Variants in EML6 observed in about 807,000 individuals in gnomAD.
The protein encoded by EML6 is EMAP like 6, also known as echinoderm microtubule-associated protein-like 6.
EML6 carries 154 observed loss-of-function variants against 240.1 expected under a neutral mutation model. The observed-to-expected ratio is 0.64, with a 90% CI of 0.56 to 0.73. EML6 has a LOEUF of 0.73. Ranked by LOEUF, EML6 falls within the 30% of genes least tolerant of loss-of-function variation. The pLI, the probability that EML6 is intolerant of heterozygous loss-of-function variation, is 0.00. For synonymous variants in EML6, 1,148 were observed against 899.0 expected (o/e 1.28, Z -4.95); for missense variants, 2,964 against 2,474.6 (o/e 1.20, Z -4.20).
In EML6 at chr2:54,847,601, T is replaced by A; in HGVS notation, c.1165T>A (p.Ser389Thr). 6.4e-7 allele frequency: 1 copy of A among 1,552,366 alleles called. No individual in the cohort carries two copies. The highest frequency in any genetic ancestry group is 8.7e-7 in the Non-Finnish European group (1 of 1,147,140). Reference protein sequence around the residue: ...SQLALGMKDGSFIVLRVRDMT... With the variant: ...SQLALGMKDGTFIVLRVRDMT... The stretch of plus-strand genomic sequence containing the variant: ...GCTGGCCCTGGGCATGAAGGACGGC[T>A]CTTTCATTGTTCTCCGAGTCAGGCA... Residue 389 changes from serine (S) to threonine (T), a missense_variant, in exon 9 of 42, where the codon TCT becomes ACT. Coordinates refer to ENST00000356458, the MANE Select transcript of EML6 (RefSeq NM_001039753.4).
chr2:54,807,372 C>T (rs1040065662), intron 2 of EML6, among the ~76,000 whole-genome samples: 8 of 152,154 alleles, frequency 5.3e-5, no homozygotes, highest in Non-Finnish European at 1.0e-4. Flanking sequence ...ATATTGAGGA[C>T]GTTTTCTCAA....
intron 24 of EML6, among the ~76,000 whole-genome samples, chr2:54,905,791 C>T (rs1673298866): frequency 6.6e-6 from 1 of 152,188 alleles, no homozygotes; most frequent in South Asian, 2.1e-4. Context: ...CAGTATTTGT[C>T]TTTCTATAAT....
intron 16 of EML6, among the ~76,000 whole-genome samples, chr2:54,877,870 C>A (rs1456033154): frequency 6.6e-6 from 1 of 152,170 alleles, no homozygotes; most frequent in Non-Finnish European, 1.5e-5. Context: ...TTAAACCAGA[C>A]TTTTTCTTTC....
chr2:54,930,159 T>A (rs1056383450), intron 28 of EML6, among the ~76,000 whole-genome samples: 2 of 152,204 alleles, frequency 1.3e-5, no homozygotes, highest in Non-Finnish European at 2.9e-5. Flanking sequence ...TGAGTTGACA[T>A]GGCCATTATC....
At chr2:54,729,213 G>A (rs1683046887) in intron 2 of EML6, among the ~76,000 whole-genome samples, 1 of 152,204 alleles carries the variant, frequency 6.6e-6, no homozygotes, top group South Asian at 2.1e-4. Flanking sequence ...GGTCCTGTTT[G>A]CATCTGCATC....
intron 28 of EML6, among the ~76,000 whole-genome samples, chr2:54,933,462 C>T (rs925669724): frequency 2.6e-5 from 4 of 152,140 alleles, no homozygotes; most frequent in African/African-American, 4.8e-5. Flanking sequence ...AGGCCAGGCA[C>T]GGTGGCTTAT....
chr2:54,862,353 A>AAC (rs1250343438), intron 12 of EML6, among the ~76,000 whole-genome samples: 5 of 150,874 alleles, frequency 3.3e-5, no homozygotes, highest in African/African-American at 1.2e-4. Context: ...AAAAAAAAAA[A>AAC]AAAAAAAAAA....
At chr2:54,820,043 T>C (rs1668259594) in intron 4 of EML6, among the ~76,000 whole-genome samples, 1 of 152,230 alleles carries the variant, frequency 6.6e-6, no homozygotes, top group Non-Finnish European at 1.5e-5. Flanking sequence ...ATTGAAAAGC[T>C]ATCTCCAAAG....
At chr2:54,851,930 C>G (rs1236978800) in intron 10 of EML6, among the ~76,000 whole-genome samples, 1 of 152,090 alleles carries the variant, frequency 6.6e-6, no homozygotes, top group East Asian at 1.9e-4. Context: ...GGATAGTCGG[C>G]TACATTATCA....
chr2:54,938,303 C>T (rs1317060416), intron 28 of EML6, among the ~76,000 whole-genome samples: 1 of 152,038 alleles, frequency 6.6e-6, no homozygotes. Context: ...AAAACTCCAT[C>T]TCAAAAAAAA....
chr2:54,804,966 T>C (rs372824559), intron 2 of EML6, among the ~76,000 whole-genome samples: 3 of 152,230 alleles, frequency 2.0e-5, no homozygotes, highest in Non-Finnish European at 4.4e-5. Flanking sequence ...CGTTTACCTT[T>C]GTAGCTTTAG....
At chr2:54,872,584 C>A (rs1319169522) in intron 16 of EML6, among the ~76,000 whole-genome samples, 1 of 152,192 alleles carries the variant, frequency 6.6e-6, no homozygotes, top group African/African-American at 2.4e-5. Flanking sequence ...CACATGGATT[C>A]CCCTTGGTTG....
At chr2:54,895,497 T>A in intron 21 of EML6, 97 bp downstream of exon 21, 1 of 1,231,348 alleles carries the variant, frequency 8.1e-7, no homozygotes, top group Non-Finnish European at 1.1e-6. Context: ...AAGGAGGCAC[T>A]CACTCTCAGG....
chr2:54,963,404 T>C lies in EML6; in HGVS notation c.5158-582T>C, dbSNP rs185229882. Among the ~76,000 whole-genome samples, 213 of 152,370 alleles carry C rather than the reference T, an allele frequency of 1.4e-3. 3 individuals carry two copies. In the South Asian group the frequency reaches 0.021, roughly 15 times the overall value. On this transcript the variant is annotated intron_variant, in intron 36 of 41. Coordinates refer to ENST00000356458, the MANE Select transcript of EML6 (RefSeq NM_001039753.4). ...TAACTACATAACACCAGCTGCTTCA[T>C]GGACATGATCAGTGCCTACAATAAC... is the stretch of plus-strand genomic sequence containing the variant.
chr2:54,787,278 A>AT (rs1227809003), intron 2 of EML6, among the ~76,000 whole-genome samples: 1 of 113,100 alleles, frequency 8.8e-6, no homozygotes, highest in Non-Finnish European at 1.7e-5. Flanking sequence ...AGCCTTGTCA[A>AT]TGAGATGGGT....
intron 21 of EML6, among the ~76,000 whole-genome samples, chr2:54,895,988 G>A (rs975850729): frequency 6.6e-6 from 1 of 152,196 alleles, no homozygotes; most frequent in African/African-American, 2.4e-5. Context: ...TATGCTGTTG[G>A]TTAGAAACAA....
chr2:54,886,050 C>G lies in EML6; in HGVS notation c.2439-5004C>G, dbSNP rs149064799. Among the ~76,000 whole-genome samples, 8 of 150,986 alleles carry G rather than the reference C, an allele frequency of 5.3e-5. No homozygotes were observed. In the East Asian group the frequency reaches 1.6e-3, roughly 29 times the overall value. On this transcript the variant is annotated intron_variant, in intron 17 of 41. Transcript: ENST00000356458. The stretch of plus-strand genomic sequence containing the variant: ...ATTGTGGAAAATTTCAAAGTTATGC[C>G]AAAGTAGAGGGAATAGCATAATGAA...
chr2:54,846,166 C>G (rs2103701707), intron 8 of EML6, among the ~76,000 whole-genome samples: 1 of 152,248 alleles, frequency 6.6e-6, no homozygotes, highest in South Asian at 2.1e-4. Context: ...TGTCCACCCC[C>G]ACAAAAGTGG....
At chr2:54,745,053 T>A (rs1683854133) in intron 2 of EML6, among the ~76,000 whole-genome samples, 1 of 150,264 alleles carries the variant, frequency 6.7e-6, no homozygotes, top group Non-Finnish European at 1.5e-5. Flanking sequence ...GCACACTGGT[T>A]TGGGGGAGTC....
Sources: gnomAD v4.1 joint callset for allele counts (sites outside exome capture counted in the v4.1 genomes callset) on GRCh38, gnomAD v4.1.1 for gene constraint, MANE v1.5 for transcripts, NCBI Gene and HGNC (gene_info 2026-07-23, HGNC 2026-07-21) for gene names.